The following IMMP2L variants were observed in gnomAD, a reference collection of about 807,000 sequenced individuals.
IMMP2L encodes the protein mitochondrial inner membrane protease subunit 2.
A neutral mutation model predicts 19.3 loss-of-function variants in IMMP2L; 18 were observed. The ratio of observed to expected loss-of-function variants is 0.93; its 90% CI spans 0.64 to 1.38. The LOEUF is 1.38. IMMP2L is among the 40% of genes most tolerant of loss of function. The pLI, the probability that IMMP2L is intolerant of heterozygous loss-of-function variation, is 0.00. For missense variants in IMMP2L, 233 were observed against 218.2 expected (o/e 1.07, Z -0.43); for synonymous variants, 76 against 73.0 (o/e 1.04, Z -0.21).
At chr7:111,543,979 T>C (rs1477909831) in intron 1 of IMMP2L, among the ~76,000 whole-genome samples, 1 of 151,922 alleles carries the variant, frequency 6.6e-6, no homozygotes, top group Non-Finnish European at 1.5e-5. Context: ...TACCTAAGAA[T>C]TAGGAAGAAA....
chr7:111,116,421 A>C (rs1452106359), intron 3 of IMMP2L, among the ~76,000 whole-genome samples: 1 of 152,198 alleles, frequency 6.6e-6, no homozygotes, highest in Non-Finnish European at 1.5e-5. Flanking sequence ...ATCCACTCTA[A>C]AACCACTCTA....
chr7:111,344,194 G>T (rs896398329), intron 3 of IMMP2L, among the ~76,000 whole-genome samples: 4 of 152,008 alleles, frequency 2.6e-5, no homozygotes, highest in African/African-American at 7.2e-5. Context: ...TTAATGATCT[G>T]ATTTCTACTG....
intron 3 of IMMP2L, among the ~76,000 whole-genome samples, chr7:111,208,986 G>A (rs1320872978): frequency 6.6e-6 from 1 of 152,136 alleles, no homozygotes; most frequent in African/African-American, 2.4e-5. Flanking sequence ...TCCCATGGGT[G>A]CTGCCTCCAT....
intron 3 of IMMP2L, among the ~76,000 whole-genome samples, chr7:111,405,900 A>T (rs1173705543): frequency 2.0e-5 from 3 of 152,076 alleles, no homozygotes; most frequent in Non-Finnish European, 4.4e-5. Context: ...AGCTCCTTTC[A>T]CAATACAAGG....
At chr7:111,041,972 T>A (rs1791940278) in intron 3 of IMMP2L, among the ~76,000 whole-genome samples, 1 of 152,180 alleles carries the variant, frequency 6.6e-6, no homozygotes, top group Non-Finnish European at 1.5e-5. Context: ...GAGGTAAAAA[T>A]AACAATCTAT....
intron 5 of IMMP2L, among the ~76,000 whole-genome samples, chr7:110,856,771 C>A (rs1370605339): frequency 6.6e-6 from 1 of 151,976 alleles, no homozygotes; most frequent in African/African-American, 2.4e-5. Flanking sequence ...AAATCAGTGG[C>A]CTTTAATTAA....
intron 5 of IMMP2L, among the ~76,000 whole-genome samples, chr7:110,859,318 T>C (rs1270802221): frequency 6.6e-6 from 1 of 152,060 alleles, no homozygotes. Context: ...CTGTCTGGTA[T>C]CTTTGGCCAT....
chr7:111,274,574 A>G (rs1043916515), intron 3 of IMMP2L, among the ~76,000 whole-genome samples: 1 of 152,168 alleles, frequency 6.6e-6, no homozygotes, highest in African/African-American at 2.4e-5. Flanking sequence ...CAGGTTATCT[A>G]TTGTCCCTTA....
At chr7:111,309,041 A>C (rs1823202128) in intron 3 of IMMP2L, among the ~76,000 whole-genome samples, 1 of 152,132 alleles carries the variant, frequency 6.6e-6, no homozygotes, top group Admixed American at 6.6e-5. Flanking sequence ...TGATTTGTAG[A>C]ATAAAGTACA....
chr7:111,477,427 A>C lies in IMMP2L; in HGVS notation c.239+9811T>G, dbSNP rs76688031. ...GTGCCAGGGGCTTGTTTGTCTGAAA[A>C]AGAATGCATTTCTCTTTCATTTTTT... On this transcript the variant is annotated intron_variant, in intron 3 of 5. Coordinates refer to ENST00000405709, the MANE Select transcript of IMMP2L (RefSeq NM_032549.4). Among the ~76,000 whole-genome samples, 178 of 152,282 alleles carry C rather than the reference A, an allele frequency of 1.2e-3. 4 individuals carry two copies. The East Asian group carries it at 0.032, about 28-fold the overall frequency.
chr7:111,357,403 A>G (rs1286250879), intron 3 of IMMP2L, among the ~76,000 whole-genome samples: 10 of 152,174 alleles, frequency 6.6e-5, no homozygotes, highest in Admixed American at 6.6e-4. Flanking sequence ...ACTATAAAGT[A>G]GAATTAACTA....
At chr7:111,274,002 C>T (rs1006565430) in intron 3 of IMMP2L, among the ~76,000 whole-genome samples, 13 of 152,082 alleles carry the variant, frequency 8.5e-5, no homozygotes, top group African/African-American at 3.1e-4. Context: ...ATATAATTTT[C>T]AAAGTCTTTC....
chr7:110,810,410 T>C (rs1303747627), intron 5 of IMMP2L, among the ~76,000 whole-genome samples: 2 of 152,050 alleles, frequency 1.3e-5, no homozygotes, highest in Non-Finnish European at 2.9e-5. Context: ...ATGTTACCCA[T>C]TCCAAACATC....
Position 110,662,988 on chromosome 7 carries a change from G to A in IMMP2L, c.*614C>T, listed in dbSNP as rs931571739. 6 of 152,478 alleles carry A rather than the reference G, an allele frequency of 3.9e-5. No homozygotes were observed. Among genetic ancestry groups the A allele is most frequent in the Non-Finnish European group, 7.3e-5 (5 of 68,174 alleles). The allele number at this position is 152,478 out of a possible 1,614,324, so 9.4% of individuals were successfully genotyped here. On this transcript the variant is annotated 3_prime_UTR_variant, in exon 6 of 6. Transcript: ENST00000405709. The stretch of plus-strand genomic sequence containing the variant: ...TTACTTTGATTCCTTATTTTCAGAA[G>A]AGATAAGAAATTCCTCATTAATGGA...
intron 3 of IMMP2L, among the ~76,000 whole-genome samples, chr7:111,197,481 C>T (rs1051446103): frequency 3.3e-5 from 5 of 151,778 alleles, no homozygotes; most frequent in African/African-American, 1.2e-4. Context: ...CAGAAGAGAA[C>T]AAAACAAAAA....
At chr7:110,936,661 A>C (rs954849867) in intron 4 of IMMP2L, among the ~76,000 whole-genome samples, 6 of 152,188 alleles carry the variant, frequency 3.9e-5, no homozygotes, top group African/African-American at 1.2e-4. Flanking sequence ...AAGGATCTAG[A>C]ACCAGAAATG....
At chr7:110,749,917 C>T (rs1165608562) in intron 5 of IMMP2L, among the ~76,000 whole-genome samples, 1 of 151,696 alleles carries the variant, frequency 6.6e-6, no homozygotes, top group Non-Finnish European at 1.5e-5. Flanking sequence ...AAAACAATTG[C>T]CATTATGTTA....
intron 3 of IMMP2L, among the ~76,000 whole-genome samples, chr7:111,242,893 A>G (rs569579057): frequency 6.6e-6 from 1 of 152,262 alleles, no homozygotes; most frequent in East Asian, 1.9e-4. Context: ...GACTCTATTT[A>G]GAAACAATTA....
chr7:111,548,891 A>G (rs559064525), intron 1 of IMMP2L, among the ~76,000 whole-genome samples: 4 of 152,198 alleles, frequency 2.6e-5, no homozygotes, highest in Admixed American at 6.5e-5. Flanking sequence ...TTCTTCCTAC[A>G]AACAGGAAAT....
Sources: allele counts gnomAD v4.1 joint callset (sites outside exome capture counted in the v4.1 genomes callset), GRCh38; gene constraint gnomAD v4.1.1; transcripts MANE v1.5; gene names NCBI Gene and HGNC (gene_info 2026-07-23, HGNC 2026-07-21).